Variants in GALNS observed in about 807,000 individuals in gnomAD.
GALNS encodes the protein N-acetylgalactosamine-6-sulfatase.
A neutral mutation model predicts 65.9 loss-of-function variants in GALNS; 65 were observed. That is an observed-to-expected ratio of 0.99 (90% CI 0.81 to 1.21). GALNS has a LOEUF of 1.21. GALNS is among the 50% of genes most tolerant of loss of function. GALNS has a pLI of 0.00. For missense variants in GALNS, 776 were observed against 700.7 expected, an observed-to-expected ratio of 1.11 and a Z score of -1.21; for synonymous variants, 346 against 288.9, an observed-to-expected ratio of 1.20 and a Z score of -2.00.
chr16:88,815,721 C>T (rs958799834), intron 13 of GALNS: 26 of 985,358 alleles, frequency 2.6e-5, no homozygotes, highest in Non-Finnish European at 2.9e-5. Flanking sequence ...GGACAGTCTC[C>T]AGCCCTAGGC....
At chr16:88,832,740 T>G (rs946534670) in intron 8 of GALNS, among the ~76,000 whole-genome samples, 1 of 152,126 alleles carries the variant, frequency 6.6e-6, no homozygotes, top group Non-Finnish European at 1.5e-5. Context: ...CTCTCTCAGC[T>G]TCGGGTCCCC....
chr16:88,826,949 T>A (rs1360244799), intron 9 of GALNS, 111 bp from the exon 10 acceptor site: 1 of 1,283,190 alleles, frequency 7.8e-7, no homozygotes, highest in African/African-American at 1.5e-5. Flanking sequence ...TCTACAGATA[T>A]GCATACATGC....
At chr16:88,815,549 G>A (rs1567510280) in intron 13 of GALNS, 1 of 985,362 alleles carries the variant, frequency 1.0e-6, no homozygotes, top group Non-Finnish European at 1.2e-6. Context: ...GCAACAGAAA[G>A]GGAGACTTAT....
At chr16:88,853,371 A>G (rs1471205709) in intron 1 of GALNS, among the ~76,000 whole-genome samples, 1 of 152,056 alleles carries the variant, frequency 6.6e-6, no homozygotes, top group African/African-American at 2.4e-5. Flanking sequence ...TAAGAAACGC[A>G]GTTTCCATTC....
At chr16:88,856,407 G>A in intron 1 of GALNS, 1 of 701,580 alleles carries the variant, frequency 1.4e-6, no homozygotes. Context: ...GGCGGGAAAG[G>A]TCAGACGGGG....
chr16:88,841,502 C>G (rs570782278), intron 3 of GALNS, among the ~76,000 whole-genome samples: 1 of 152,310 alleles, frequency 6.6e-6, no homozygotes, highest in South Asian at 2.1e-4. Flanking sequence ...CACTGGAAAT[C>G]CCACTTCCCC....
At chr16:88,819,048 G>A (rs1337526189) in intron 12 of GALNS, among the ~76,000 whole-genome samples, 1 of 152,236 alleles carries the variant, frequency 6.6e-6, no homozygotes, top group Non-Finnish European at 1.5e-5. Context: ...TGGGAGGTGA[G>A]CCCGGACCCA....
chr16:88,820,862 C>T (rs375494794), intron 12 of GALNS, among the ~76,000 whole-genome samples: 77 of 152,268 alleles, frequency 5.1e-4, no homozygotes, highest in South Asian at 1.0e-3. Flanking sequence ...TGGCGGGCAC[C>T]GGTGTGGCCA....
At chr16:88,850,981 A>G (rs567094692) in intron 1 of GALNS, among the ~76,000 whole-genome samples, 2 of 152,264 alleles carry the variant, frequency 1.3e-5, no homozygotes, top group African/African-American at 2.4e-5. Context: ...CCTCCCACAC[A>G]TGTGCCTTCT....
chr16:88,828,300 A>C (rs1485136318), intron 9 of GALNS, among the ~76,000 whole-genome samples: 1 of 152,226 alleles, frequency 6.6e-6, no homozygotes, highest in Non-Finnish European at 1.5e-5. Context: ...GAGTGGTGTC[A>C]GCACAGGCAG....
At chr16:88,854,634 A>G (rs1228821272) in intron 1 of GALNS, among the ~76,000 whole-genome samples, 1 of 152,200 alleles carries the variant, frequency 6.6e-6, no homozygotes, top group Admixed American at 6.5e-5. Flanking sequence ...ACACGGGCAG[A>G]GCCAACCTCC....
intron 1 of GALNS, chr16:88,843,572 C>A: frequency 4.5e-6 from 1 of 223,704 alleles, no homozygotes; most frequent in Non-Finnish European, 9.2e-6. Flanking sequence ...ATGACTGGGC[C>A]CTTAGAGACG....
chr16:88,821,993 C>CA (rs56342036), intron 12 of GALNS, among the ~76,000 whole-genome samples: 3 of 150,034 alleles, frequency 2.0e-5, no homozygotes, highest in East Asian at 1.9e-4. Context: ...TGGGTTCGGA[C>CA]AAAAAAAAAG....
Position 88,842,801 on chromosome 16 carries a change from C to T in GALNS, c.149G>A (p.Gly50Glu). ...ATTCGGGGTCTCTCTGGAGGGCTCTCCATACACCCCGAGGTCACCCCATCC... is the reference window on the plus strand; with the variant it reads ...ATTCGGGGTCTCTCTGGAGGGCTCTTCATACACCCCGAGGTCACCCCATCC... ...DMGWGDLGVY[G>E]EPSRETPNLD... The change falls in exon 2 of 14, where the codon GGA becomes GAA. Residue 50 changes from glycine to glutamate, a missense_variant. Physicochemically the swap from Gly to Glu is moderately conservative, Grantham distance 98. Coordinates refer to ENST00000268695, the MANE Select transcript of GALNS (RefSeq NM_000512.5). 6.2e-7 allele frequency: 1 copy of T among 1,613,454 alleles called. No individual in the cohort carries two copies. Among genetic ancestry groups the T allele is most frequent in the Non-Finnish European group, 8.5e-7 (1 of 1,179,962 alleles).
intron 12 of GALNS, among the ~76,000 whole-genome samples, chr16:88,821,515 T>G (rs758276245): frequency 6.6e-6 from 1 of 152,174 alleles, no homozygotes; most frequent in Non-Finnish European, 1.5e-5. Context: ...ATCCTGGGCT[T>G]CTGAGCTGGA....
At chr16:88,855,636 A>T (rs1248681734) in intron 1 of GALNS, 1 of 609,350 alleles carries the variant, frequency 1.6e-6, no homozygotes, top group Non-Finnish European at 2.9e-6. Flanking sequence ...GTATATCTTT[A>T]TGTTAAAAAA....
chr16:88,817,278 A>C (rs1263689732), intron 13 of GALNS: 1 of 985,290 alleles, frequency 1.0e-6, no homozygotes, highest in Non-Finnish European at 1.2e-6. Flanking sequence ...TGGCCTGAAC[A>C]CAGACTTCAG....
At chr16:88,855,373 G>A (rs1967760860) in intron 1 of GALNS, 1 of 702,618 alleles carries the variant, frequency 1.4e-6, no homozygotes, top group Non-Finnish European at 2.6e-6. Context: ...TATCTACACT[G>A]GCCCAGAGGA....
chr16:88,833,077 C>CAAAAAA (rs869226834), intron 8 of GALNS, among the ~76,000 whole-genome samples: 3 of 74,638 alleles, frequency 4.0e-5, no homozygotes, highest in Non-Finnish European at 7.8e-5. Context: ...GACTCCTTCT[C>CAAAAAA]AAAAAAAAAA....
Sources: allele counts gnomAD v4.1 joint callset (sites outside exome capture counted in the v4.1 genomes callset), GRCh38; gene constraint gnomAD v4.1.1; transcripts MANE v1.5; gene names NCBI Gene and HGNC (gene_info 2026-07-23, HGNC 2026-07-21).